USP34: variants seen among roughly 807,000 people sequenced by gnomAD.
USP34 encodes the protein ubiquitin carboxyl-terminal hydrolase 34.
Under a neutral mutation model 460.3 loss-of-function variants are expected in USP34, and 70 were observed. The ratio of observed to expected loss-of-function variants is 0.15; its 90% CI spans 0.13 to 0.19. The LOEUF (loss-of-function observed/expected upper bound fraction) is 0.19, where lower values mean the gene tolerates loss of function less well. Ranked by LOEUF, USP34 falls within the 10% of genes least tolerant of loss-of-function variation. The probability of loss-of-function intolerance (pLI) is 1.00; values close to 1 mark genes in which losing one functional copy is unlikely to be tolerated. For synonymous variants in USP34, 1,647 were observed against 1,405.3 expected, an observed-to-expected ratio of 1.17 and a Z score of -3.85; for missense variants, 3,985 against 4,236.2, an observed-to-expected ratio of 0.94 and a Z score of 1.65.
At chr2:61,428,926 G>A (rs1694586264) in intron 1 of USP34, among the ~76,000 whole-genome samples, 1 of 152,002 alleles carries the variant, frequency 6.6e-6, no homozygotes, top group African/African-American at 2.4e-5. Context: ...GTCCACACAG[G>A]TAGCCAACAA....
chr2:61,322,603 A>G (rs1690960103), intron 21 of USP34, among the ~76,000 whole-genome samples: 1 of 152,236 alleles, frequency 6.6e-6, no homozygotes, highest in Non-Finnish European at 1.5e-5. Context: ...TGGTACCATC[A>G]AAAGAAATTT....
intron 48 of USP34, among the ~76,000 whole-genome samples, chr2:61,255,953 G>A (rs1688713407): frequency 6.6e-6 from 1 of 152,160 alleles, no homozygotes; most frequent in Non-Finnish European, 1.5e-5. Context: ...GTTATGCACA[G>A]CAAAAAGCAG....
At chr2:61,393,889 G>T (rs1488764581) in intron 5 of USP34, among the ~76,000 whole-genome samples, 1 of 152,132 alleles carries the variant, frequency 6.6e-6, no homozygotes, top group African/African-American at 2.4e-5. Context: ...TGTAATCTCA[G>T]CACTTTGGGA....
At chr2:61,363,611 A>C (rs982432299) in intron 10 of USP34, among the ~76,000 whole-genome samples, 6 of 152,232 alleles carry the variant, frequency 3.9e-5, no homozygotes, top group Admixed American at 3.3e-4. Context: ...GAGGTGATAC[A>C]AATTATAATA....
intron 30 of USP34, 145 bp downstream of exon 30, chr2:61,296,655 T>C: frequency 1.5e-6 from 1 of 669,276 alleles, no homozygotes; most frequent in Non-Finnish European, 2.3e-6. Context: ...AACATTAAAA[T>C]GCAGTGGCAC....
chr2:61,416,449 G>T (rs770914856), intron 2 of USP34, among the ~76,000 whole-genome samples: 113 of 152,202 alleles, frequency 7.4e-4, no homozygotes, highest in Middle Eastern at 6.8e-3. Flanking sequence ...CTGAAATAAA[G>T]TTAAAAAGTT....
At chr2:61,344,967 TAA>T (rs550126576) in intron 15 of USP34, among the ~76,000 whole-genome samples, 3 of 149,108 alleles carry the variant, frequency 2.0e-5, no homozygotes, top group African/African-American at 7.4e-5. Flanking sequence ...TACATTCAAA[TAA>T]AAAAAAAATG....
At chr2:61,279,584 C>T in intron 39 of USP34, among the ~76,000 whole-genome samples, 1 of 152,076 alleles carries the variant, frequency 6.6e-6, no homozygotes, top group Non-Finnish European at 1.5e-5. Context: ...TCTGCCTCAG[C>T]CCTCCTGAGT....
chr2:61,412,535 A>C (rs1306652125), intron 2 of USP34, among the ~76,000 whole-genome samples: 2 of 152,078 alleles, frequency 1.3e-5, no homozygotes, highest in African/African-American at 4.8e-5. Context: ...GTAAAATTCA[A>C]CAAAAGGTCC....
chr2:61,387,928 T>TATACACAC (rs1553381118), intron 5 of USP34, among the ~76,000 whole-genome samples: 1 of 142,606 alleles, frequency 7.0e-6, no homozygotes, highest in Non-Finnish European at 1.5e-5. Context: ...AATATATTTA[T>TATACACAC]ACACACACAC....
intron 21 of USP34, among the ~76,000 whole-genome samples, chr2:61,325,041 C>T (rs887040320): frequency 2.6e-5 from 4 of 151,950 alleles, no homozygotes; most frequent in Non-Finnish European, 4.4e-5. Context: ...AGGAGCTAAA[C>T]AATGGGTACA....
intron 27 of USP34, 80 bp downstream of exon 27, chr2:61,311,460 G>T (rs1017938401): frequency 3.9e-5 from 4 of 102,598 alleles, no homozygotes; most frequent in South Asian, 2.4e-4. Context: ...AAAAGAAAAG[G>T]AAAGGAGAAA....
At chr2:61,263,802 C>A (rs78038257) in intron 43 of USP34, among the ~76,000 whole-genome samples, 5,060 of 152,138 alleles carry the variant, frequency 0.033, 288 homozygotes, top group African/African-American at 0.12. Context: ...TTTTGTATAT[C>A]TGGTAGAGAT....
At chr2:61,416,704 T>C (rs1694204710) in intron 2 of USP34, among the ~76,000 whole-genome samples, 1 of 152,126 alleles carries the variant, frequency 6.6e-6, no homozygotes, top group Non-Finnish European at 1.5e-5. Context: ...TATTCCTTTC[T>C]CTTCCCATTT....
At chr2:61,384,618 A>T (rs1693080422) in intron 5 of USP34, among the ~76,000 whole-genome samples, 1 of 152,190 alleles carries the variant, frequency 6.6e-6, no homozygotes, top group Non-Finnish European at 1.5e-5. Context: ...AGTCTCAGTG[A>T]GCCAGGATCG....
At chr2:61,381,582 C>T (rs935861602) in intron 6 of USP34, among the ~76,000 whole-genome samples, 7 of 152,062 alleles carry the variant, frequency 4.6e-5, no homozygotes, top group Non-Finnish European at 7.4e-5. Context: ...GTGATCCTCC[C>T]GCCTCGGCCT....
At chr2:61,194,031 A>G (rs1002828357) in intron 75 of USP34, 5 of 758,410 alleles carry the variant, frequency 6.6e-6, no homozygotes, top group Middle Eastern at 6.8e-4. Flanking sequence ...TATGAAAACT[A>G]TTCTTAGCTA....
intron 20 of USP34, among the ~76,000 whole-genome samples, chr2:61,330,265 G>C (rs574311058): frequency 9.2e-5 from 14 of 152,060 alleles, no homozygotes; most frequent in African/African-American, 3.4e-4. Flanking sequence ...TCTTAAAATA[G>C]TTGATATCTG....
chr2:61,451,235 A>AAAAAAAAAAAG (rs1695266238), intron 1 of USP34, among the ~76,000 whole-genome samples: 3 of 141,016 alleles, frequency 2.1e-5, no homozygotes, highest in Non-Finnish European at 4.7e-5. Context: ...AAAAAAAAAA[A>AAAAAAAAAAAG]AAAAAAAAAA....
Sources: gnomAD v4.1 joint callset for allele counts (sites outside exome capture counted in the v4.1 genomes callset) on GRCh38, gnomAD v4.1.1 for gene constraint, MANE v1.5 for transcripts, NCBI Gene and HGNC (gene_info 2026-07-23, HGNC 2026-07-21) for gene names.